RAB27B: variants seen among roughly 807,000 people sequenced by gnomAD.
The protein encoded by RAB27B is ras-related protein Rab-27B.
In RAB27B, 15 loss-of-function variants were observed where a neutral mutation model predicts 24.6. The ratio of observed to expected loss-of-function variants is 0.61; its 90% CI spans 0.41 to 0.94. The LOEUF is 0.94. Ranked by LOEUF, RAB27B falls within the 40% of genes least tolerant of loss-of-function variation. The pLI, the probability that RAB27B is intolerant of heterozygous loss-of-function variation, is 0.00. For synonymous variants in RAB27B, 105 were observed against 92.5 expected (o/e 1.14, Z -0.78); for missense variants, 261 against 266.8 (o/e 0.98, Z 0.15).
intron 2 of RAB27B, among the ~76,000 whole-genome samples, chr18:54,724,036 T>G (rs1461157899): frequency 6.6e-6 from 1 of 151,970 alleles, no homozygotes; most frequent in Non-Finnish European, 1.5e-5. Context: ...GGAACATACT[T>G]TTATAAATTC....
At chr18:54,804,169 G>A (rs559927970) in intron 2 of RAB27B, among the ~76,000 whole-genome samples, 9 of 152,256 alleles carry the variant, frequency 5.9e-5, no homozygotes, top group African/African-American at 2.2e-4. Flanking sequence ...ATTAAAGTTT[G>A]ACTTCTAGGA....
At chr18:54,866,297 C>G (rs917541096) in intron 1 of RAB27B, among the ~76,000 whole-genome samples, 19 of 152,276 alleles carry the variant, frequency 1.2e-4, no homozygotes, top group African/African-American at 4.1e-4. Flanking sequence ...GCCCCTGCCC[C>G]CCGCGCCCTG....
chr18:54,845,210 C>G (rs1372906823), intron 1 of RAB27B, among the ~76,000 whole-genome samples: 1 of 151,880 alleles, frequency 6.6e-6, no homozygotes, highest in Non-Finnish European at 1.5e-5. Context: ...AGTTTGGAAC[C>G]AGCCTGGCCA....
chr18:54,781,290 G>A (rs915820840), intron 2 of RAB27B, among the ~76,000 whole-genome samples: 13 of 151,840 alleles, frequency 8.6e-5, no homozygotes, highest in Non-Finnish European at 1.5e-4. Context: ...TCTTAGTGTC[G>A]GTTTTCTCTG....
chr18:54,786,662 TAA>T (rs1045970280), intron 2 of RAB27B, among the ~76,000 whole-genome samples: 2 of 152,242 alleles, frequency 1.3e-5, no homozygotes, highest in African/African-American at 2.4e-5. Context: ...AATTATTCTA[TAA>T]GTCATTGAAA....
chr18:54,850,348 A>ATGTATG lies in RAB27B; in HGVS notation c.-20+21649_-20+21650insGTATGT, dbSNP rs1252566238. Among the ~76,000 whole-genome samples the ATGTATG allele has an allele frequency of 3.7e-5, 5 of 136,684 alleles. 1 individual carries two copies. In the Admixed American group the frequency reaches 3.8e-4, roughly 10 times the overall value. 89.7% of individuals were successfully genotyped at this position (136,684 alleles called of 152,430 possible). A position where few individuals can be genotyped will look rare whatever the true frequency, so the allele number is the denominator to read the frequency against. On this transcript the variant is annotated intron_variant, in intron 1 of 5. Coordinates refer to ENST00000262094, the MANE Select transcript of RAB27B (RefSeq NM_004163.4). ...AAACAAACAGGATATATATATATATATATATATATATACATACATACATAT... is the reference window on the plus strand; with the variant it reads ...AAACAAACAGGATATATATATATATATGTATGTATATATATATACATACATACATAT...
intron 2 of RAB27B, among the ~76,000 whole-genome samples, chr18:54,798,143 G>C (rs575545155): frequency 6.6e-6 from 1 of 152,072 alleles, no homozygotes; most frequent in Non-Finnish European, 1.5e-5. Context: ...TATATTGAGA[G>C]TTCATTCCTT....
intron 1 of RAB27B, among the ~76,000 whole-genome samples, chr18:54,837,754 A>G (rs893802653): frequency 3.9e-5 from 6 of 152,144 alleles, no homozygotes; most frequent in Non-Finnish European, 8.8e-5. Flanking sequence ...GACTTGGGGA[A>G]AATTTAAGGT....
chr18:54,739,701 C>T (rs1473862249), intron 2 of RAB27B, among the ~76,000 whole-genome samples: 3 of 151,928 alleles, frequency 2.0e-5, no homozygotes, highest in Non-Finnish European at 4.4e-5. Context: ...TAAGAAGCTG[C>T]CAAATTTTAT....
At chr18:54,736,130 A>T (rs948843973) in intron 2 of RAB27B, among the ~76,000 whole-genome samples, 23 of 152,192 alleles carry the variant, frequency 1.5e-4, no homozygotes, top group African/African-American at 5.1e-4. Context: ...GAATGGTCTG[A>T]TAAAACTGAG....
chr18:54,728,585 G>C (rs1909617795), intron 2 of RAB27B, among the ~76,000 whole-genome samples: 1 of 151,976 alleles, frequency 6.6e-6, no homozygotes, highest in Non-Finnish European at 1.5e-5. Context: ...TGGTTAAAAG[G>C]GGGAACCAGC....
chr18:54,799,531 A>G (rs1245345295), intron 2 of RAB27B, among the ~76,000 whole-genome samples: 1 of 151,720 alleles, frequency 6.6e-6, no homozygotes, highest in Non-Finnish European at 1.5e-5. Flanking sequence ...TTTTTAAAAA[A>G]CAATGGTTAA....
intron 2 of RAB27B, among the ~76,000 whole-genome samples, chr18:54,718,975 G>T (rs1909276965): frequency 6.6e-6 from 1 of 152,158 alleles, no homozygotes; most frequent in African/African-American, 2.4e-5. Flanking sequence ...ATGCCAAAAT[G>T]TAATAGGCAA....
chr18:54,765,578 T>G (rs1231148623), intron 2 of RAB27B, among the ~76,000 whole-genome samples: 1 of 152,196 alleles, frequency 6.6e-6, no homozygotes. Context: ...CCTTCATTTG[T>G]ACCTTATGGA....
intron 2 of RAB27B, among the ~76,000 whole-genome samples, chr18:54,804,739 C>T (rs899704616): frequency 6.6e-6 from 1 of 152,120 alleles, no homozygotes; most frequent in African/African-American, 2.4e-5. Flanking sequence ...ATTTTTCAGA[C>T]AACTGGCCAA....
chr18:54,826,711 T>G (rs560493132), upstream of RAB27B, among the ~76,000 whole-genome samples: 7 of 152,336 alleles, frequency 4.6e-5, no homozygotes, highest in South Asian at 1.4e-3. Context: ...CAGTGACCAC[T>G]GTGAGCTCGG....
intron 1 of RAB27B, among the ~76,000 whole-genome samples, chr18:54,836,426 G>T (rs2145193032): frequency 6.6e-6 from 1 of 151,946 alleles, no homozygotes; most frequent in South Asian, 2.1e-4. Context: ...GATGGTGTTA[G>T]ATTCTAGTGA....
chr18:54,866,096 A>C (rs1912207642), intron 1 of RAB27B, among the ~76,000 whole-genome samples: 1 of 136,682 alleles, frequency 7.3e-6, no homozygotes, highest in Non-Finnish European at 1.5e-5. Context: ...TATCAAAAAC[A>C]AAAAAAAAAC....
At chr18:54,722,024 G>A (rs1909375458) in intron 2 of RAB27B, among the ~76,000 whole-genome samples, 1 of 152,144 alleles carries the variant, frequency 6.6e-6, no homozygotes, top group South Asian at 2.1e-4. Flanking sequence ...TTCATAAAAC[G>A]TTATAGAATT....
Sources: gnomAD v4.1 joint callset for allele counts (sites outside exome capture counted in the v4.1 genomes callset) on GRCh38, gnomAD v4.1.1 for gene constraint, MANE v1.5 for transcripts, NCBI Gene and HGNC (gene_info 2026-07-23, HGNC 2026-07-21) for gene names.